The following FSTL1 variants were observed in gnomAD, a reference collection of about 807,000 sequenced individuals.
FSTL1 encodes the protein follistatin-related protein 1.
In FSTL1, 24 loss-of-function variants were observed where a neutral mutation model predicts 45.9. The observed-to-expected ratio is 0.52, with a 90% CI of 0.38 to 0.74. The LOEUF is 0.74. FSTL1 is among the 30% of genes least tolerant of loss of function. FSTL1 has a pLI of 0.00. For synonymous variants in FSTL1, 120 were observed against 137.6 expected, an observed-to-expected ratio of 0.87 and a Z score of 0.89; for missense variants, 340 against 381.8, an observed-to-expected ratio of 0.89 and a Z score of 0.91.
chr3:120,447,794 G>A lies in FSTL1; in HGVS notation c.63+2890C>T, dbSNP rs541294158. 7.2e-5 allele frequency among the ~76,000 whole-genome samples: 11 copies of A among 152,160 alleles called. 1 individual carries two copies. Among genetic ancestry groups the A allele is most frequent in the African/African-American group, 1.2e-4 (5 of 41,418 alleles). On this transcript the variant is annotated intron_variant, in intron 2 of 10. Coordinates refer to ENST00000295633, the MANE Select transcript of FSTL1 (RefSeq NM_007085.5). The stretch of plus-strand genomic sequence containing the variant: ...CTCCTGAGTAGCTGGGACCAGAGGC[G>A]TGTGTGCTACCATGCCCAGGTAATT...
intron 2 of FSTL1, among the ~76,000 whole-genome samples, chr3:120,441,940 C>G (rs1230486097): frequency 6.6e-6 from 1 of 152,202 alleles, no homozygotes; most frequent in Non-Finnish European, 1.5e-5. Flanking sequence ...AATCTAGCTT[C>G]CAGGTCTGAG....
chr3:120,406,139 G>C (rs563383303), intron 6 of FSTL1, among the ~76,000 whole-genome samples: 3 of 152,118 alleles, frequency 2.0e-5, no homozygotes, highest in African/African-American at 7.2e-5. Context: ...CAACTATTAG[G>C]CCTTTGCTTA....
intron 2 of FSTL1, among the ~76,000 whole-genome samples, chr3:120,431,789 A>G (rs887096226): frequency 4.6e-5 from 7 of 152,262 alleles, no homozygotes; most frequent in Non-Finnish European, 8.8e-5. Context: ...CAAGTGGTGT[A>G]TAACTGAAGT....
At chr3:120,403,428 A>G (rs1936867239) in intron 7 of FSTL1, 74 bp from the exon 8 acceptor site, 1 of 887,028 alleles carries the variant, frequency 1.1e-6, no homozygotes. Flanking sequence ...AAGCATCAGG[A>G]CCACATACAC....
At chr3:120,403,151 A>C in intron 8 of FSTL1, 91 bp downstream of exon 8, 1 of 803,062 alleles carries the variant, frequency 1.2e-6, no homozygotes, top group Non-Finnish European at 2.2e-6. Context: ...TTTCTCAGCT[A>C]GCTCTGGAGA....
Position 120,403,258 on chromosome 3 carries a change from G to A in FSTL1, c.678C>T (p.Phe226=). The change falls in exon 8 of 11, where the codon TTC becomes TTT. Residue 226 remains phenylalanine (F), a synonymous_variant. Coordinates refer to ENST00000295633, the MANE Select transcript of FSTL1 (RefSeq NM_007085.5). ...QEFLKCLNPS[F]NPPEKKCALE... ...TAGGCATACTCTTCTCAGGAGGGTT[G>A]AAAGATGGGTTGAGGCACTTGAGAA... 2 of 1,595,770 alleles carry A rather than the reference G, an allele frequency of 1.3e-6. No individual in the cohort carries two copies. Among genetic ancestry groups the A allele is most frequent in the African/African-American group, 1.3e-5 (1 of 74,696 alleles).
At chr3:120,414,222 G>A (rs573481854) in intron 3 of FSTL1, among the ~76,000 whole-genome samples, 14 of 152,256 alleles carry the variant, frequency 9.2e-5, no homozygotes, top group African/African-American at 2.9e-4. Context: ...GAAGTGAGGA[G>A]CGTCTCTGCC....
chr3:120,432,075 T>A (rs1937487021), intron 2 of FSTL1, among the ~76,000 whole-genome samples: 1 of 152,208 alleles, frequency 6.6e-6, no homozygotes, highest in Non-Finnish European at 1.5e-5. Flanking sequence ...TGTACATATT[T>A]GGAGCCTTCT....
intron 3 of FSTL1, among the ~76,000 whole-genome samples, chr3:120,413,776 A>ACTCCCG (rs1937116966): frequency 2.8e-5 from 1 of 35,916 alleles, no homozygotes; most frequent in East Asian, 5.6e-4. Context: ...TAAAAAAAAA[A>ACTCCCG]CTCCCTCTCC....
At position 120,396,586 on chromosome 3, in the gene FSTL1, G is replaced by C. The variant is rs879133807; in HGVS notation, c.*366C>G. Reference sequence around the variant, plus strand: ...CAAACCTCTCCTCCGGGGACACCCTGCTAAGTTCTCTCTGGCATCGTGTGC... The same window carrying C: ...CAAACCTCTCCTCCGGGGACACCCTCCTAAGTTCTCTCTGGCATCGTGTGC... On this transcript the variant is annotated 3_prime_UTR_variant, in exon 11 of 11. Coordinates refer to ENST00000295633, the MANE Select transcript of FSTL1 (RefSeq NM_007085.5). 1 of 196,510 alleles carries C rather than the reference G, an allele frequency of 5.1e-6. No homozygotes were observed. Among genetic ancestry groups the C allele is most frequent in the African/African-American group, 2.4e-5 (1 of 42,536 alleles). 12.2% of individuals were successfully genotyped at this position (196,510 alleles called of 1,614,324 possible). A position where few individuals can be genotyped will look rare whatever the true frequency, so the allele number is the denominator to read the frequency against.
At position 120,422,881 on chromosome 3, in the gene FSTL1, G is replaced by T. The variant is rs13317922; in HGVS notation, c.64-6854C>A. ...GGCCAATTTTTGTATTTTTAGTAGA[G>T]ATGGGGTTTCACCATGTTGGCCAGG... On this transcript the variant is annotated intron_variant, in intron 2 of 10. Transcript: ENST00000295633. 7.2e-3 allele frequency among the ~76,000 whole-genome samples: 1,099 copies of T among 152,280 alleles called. 7 individuals carry two copies. Among genetic ancestry groups the T allele is most frequent in the African/African-American group, 0.025 (1,024 of 41,540 alleles).
rs1473539930 is a variant in FSTL1, at chr3:120,412,816, ATGTGCGCGCGCG to A, written c.169-845_169-834del. Among the ~76,000 whole-genome samples, 3 of 129,292 alleles carry A rather than the reference ATGTGCGCGCGCG, an allele frequency of 2.3e-5. No individual in the cohort carries two copies. The East Asian group carries it at 1.0e-3, about 44-fold the overall frequency. The allele number at this position is 129,292 out of a possible 152,430, so 84.8% of individuals were successfully genotyped here. ...TAGGCAGGCAGGCAAACACACACACATGTGCGCGCGCGCGCGCGCGCGCACACACACACACAC... is the reference window on the plus strand; with the variant it reads ...TAGGCAGGCAGGCAAACACACACACACGCGCGCGCGCACACACACACACAC... On this transcript the variant is annotated intron_variant, in intron 3 of 10. Transcript: ENST00000295633.
chr3:120,442,874 CA>C (rs1245127045), intron 2 of FSTL1, among the ~76,000 whole-genome samples: 1 of 114,872 alleles, frequency 8.7e-6, no homozygotes, highest in East Asian at 2.5e-4. Flanking sequence ...AAGAGAAAAA[CA>C]GCAGACCCCC....
At chr3:120,429,056 A>G (rs1438504878) in intron 2 of FSTL1, among the ~76,000 whole-genome samples, 1 of 152,244 alleles carries the variant, frequency 6.6e-6, no homozygotes, top group Non-Finnish European at 1.5e-5. Context: ...CAGTCTTCCA[A>G]GGAAATGCCA....
intron 9 of FSTL1, among the ~76,000 whole-genome samples, chr3:120,402,584 T>C (rs1476161349): frequency 2.0e-5 from 3 of 152,100 alleles, no homozygotes; most frequent in Non-Finnish European, 2.9e-5. Flanking sequence ...TCCTCTCTTA[T>C]TCCAAGCCTC....
Position 120,402,867 on chromosome 3 carries a change from T to C in FSTL1, c.746A>G (p.Asp249Gly). The change falls in exon 9 of 11, where the codon GAC (aspartate) becomes GGC (glycine). Residue 249 changes from aspartate to glycine, a missense_variant. Coordinates refer to ENST00000295633, the MANE Select transcript of FSTL1 (RefSeq NM_007085.5). ...ACAGGCACAGACACAGCGGTTACAG[T>C]CCACCTCGGTCTCAGCTCCATCTGC... ...TYADGAETEV[D>G]CNRCVCACGN... 1 of 1,613,706 alleles carries C rather than the reference T, an allele frequency of 6.2e-7. No individual in the cohort carries two copies. Among genetic ancestry groups the C allele is most frequent in the South Asian group, 1.1e-5 (1 of 91,064 alleles).
intron 4 of FSTL1, 129 bp from the exon 5 acceptor site, chr3:120,411,113 A>C (rs978636952): frequency 1.5e-6 from 1 of 649,746 alleles, no homozygotes; most frequent in Non-Finnish European, 2.7e-6. Flanking sequence ...TTTGTCTTGA[A>C]TCCTTTCCCT....
In FSTL1 at chr3:120,414,784, T is replaced by G. The variant is rs369387965; in HGVS notation, c.168+1139A>C. Among the ~76,000 whole-genome samples the G allele has an allele frequency of 8.6e-4, 131 of 151,982 alleles. 1 individual carries two copies. In the East Asian group the frequency reaches 0.024, roughly 28 times the overall value. ...AGATGTGCTTTGTTAAACAGACGCT[T>G]GAAGGCAGCATGCTCATTAAGAGTC... On this transcript the variant is annotated intron_variant, in intron 3 of 10. Coordinates refer to ENST00000295633, the MANE Select transcript of FSTL1 (RefSeq NM_007085.5).
chr3:120,423,669 T>A (rs556414448), intron 2 of FSTL1: 1 of 152,160 alleles, frequency 6.6e-6, no homozygotes, highest in African/African-American at 2.4e-5. Flanking sequence ...CCCTGTGACA[T>A]ACCACACCGC....
Sources: gnomAD v4.1 joint callset for allele counts (sites outside exome capture counted in the v4.1 genomes callset) on GRCh38, gnomAD v4.1.1 for gene constraint, MANE v1.5 for transcripts, NCBI Gene and HGNC (gene_info 2026-07-23, HGNC 2026-07-21) for gene names.